Variants in NT5DC3 observed in about 807,000 individuals in gnomAD.
The protein encoded by NT5DC3 is 5'-nucleotidase domain containing 3.
Under a neutral mutation model 67.8 loss-of-function variants are expected in NT5DC3, and 42 were observed. The ratio of observed to expected loss-of-function variants is 0.62; its 90% CI spans 0.48 to 0.80. The LOEUF (loss-of-function observed/expected upper bound fraction) is 0.80. Ranked by LOEUF, NT5DC3 falls within the 30% of genes least tolerant of loss-of-function variation. The pLI is 0.00. For synonymous variants in NT5DC3, 237 were observed against 255.6 expected (o/e 0.93, Z 0.69); for missense variants, 570 against 696.4 (o/e 0.82, Z 2.04).
downstream of NT5DC3, among the ~76,000 whole-genome samples, chr12:103,768,524 GGA>G (rs1425537092): frequency 1.4e-4 from 5 of 35,284 alleles, no homozygotes; most frequent in African/African-American, 6.1e-4. Flanking sequence ...TGGAGAGATG[GGA>G]GAGAGAGGGA....
At chr12:103,749,872 A>AAAAAAG in the NT5DC3 span, among the ~76,000 whole-genome samples, 9 of 131,572 alleles carry the variant, frequency 6.8e-5, no homozygotes, top group Non-Finnish European at 9.5e-5. Flanking sequence ...AAAAAAAAAA[A>AAAAAAG]GCTGGTAAGA....
chr12:103,791,507 A>G (rs1255328577), intron 9 of NT5DC3, among the ~76,000 whole-genome samples: 1 of 152,036 alleles, frequency 6.6e-6, no homozygotes, highest in Non-Finnish European at 1.5e-5. Flanking sequence ...TCCCCAAGAC[A>G]CTGGAAGAAA....
intron 1 of NT5DC3, among the ~76,000 whole-genome samples, chr12:103,825,451 G>C (rs1887653656): frequency 6.6e-6 from 1 of 152,120 alleles, no homozygotes; most frequent in Non-Finnish European, 1.5e-5. Context: ...CAACGGAACT[G>C]ATCAAAAAGA....
chr12:103,763,648 G>A, the NT5DC3 span: 1 of 1,540,208 alleles, frequency 6.5e-7, no homozygotes. Flanking sequence ...TTCCCTTGGG[G>A]TACAGGGGAA....
intron 12 of NT5DC3, among the ~76,000 whole-genome samples, chr12:103,781,401 C>T (rs1885544766): frequency 6.6e-6 from 1 of 152,216 alleles, no homozygotes; most frequent in Admixed American, 6.5e-5. Flanking sequence ...AGGCCAGGGA[C>T]GCATGCCCAG....
At chr12:103,822,623 C>T (rs967997244) in intron 1 of NT5DC3, among the ~76,000 whole-genome samples, 1 of 152,174 alleles carries the variant, frequency 6.6e-6, no homozygotes, top group Non-Finnish European at 1.5e-5. Flanking sequence ...AGTGGTAGTG[C>T]TATCCGTGTG....
intron 2 of NT5DC3, among the ~76,000 whole-genome samples, chr12:103,812,046 T>C (rs1425746343): frequency 6.6e-6 from 1 of 152,056 alleles, no homozygotes; most frequent in African/African-American, 2.4e-5. Context: ...TCCCTTTCTA[T>C]TCCTCGGTGG....
Position 103,785,443 on chromosome 12 carries a change from A to C in NT5DC3, c.1221T>G (p.Gly407=), listed in dbSNP as rs2139313944. ...CAGATCTCAACTCTGGGATGATTGC[A>C]CCAGTCCTCCAGCCATGCTTTAGGG... ...DLTLKHGWRT[G]AIIPELRSEL... The change falls in exon 12 of 14, where the codon GGT becomes GGG. Residue 407 remains glycine (G), a synonymous_variant. Coordinates refer to ENST00000392876, the MANE Select transcript of NT5DC3 (RefSeq NM_001031701.3). 1 of 1,614,080 alleles carries C rather than the reference A, an allele frequency of 6.2e-7. No individual in the cohort carries two copies. Among genetic ancestry groups the C allele is most frequent in the East Asian group, 2.2e-5 (1 of 44,886 alleles).
At chr12:103,757,116 T>C in the NT5DC3 span, among the ~76,000 whole-genome samples, 1 of 151,144 alleles carries the variant, frequency 6.6e-6, no homozygotes, top group African/African-American at 2.4e-5. Context: ...CTTAAGAGAG[T>C]CTTGTTGTGT....
At chr12:103,818,532 C>T (rs1030913772) in intron 1 of NT5DC3, among the ~76,000 whole-genome samples, 18 of 152,098 alleles carry the variant, frequency 1.2e-4, no homozygotes, top group East Asian at 5.8e-4. Flanking sequence ...TGCACCACCA[C>T]GCCTGGCTAA....
chr12:103,821,354 A>G (rs1410525867), intron 1 of NT5DC3, among the ~76,000 whole-genome samples: 7 of 152,208 alleles, frequency 4.6e-5, no homozygotes, highest in East Asian at 3.8e-4. Context: ...CTCCTCCCCA[A>G]CATTCAAACT....
At chr12:103,746,852 A>G in the NT5DC3 span, 14 of 727,900 alleles carry the variant, frequency 1.9e-5, no homozygotes, top group East Asian at 3.7e-4. Flanking sequence ...AGTTTCTTTA[A>G]TGGGTGTGCT....
At chr12:103,763,276 G>C in the NT5DC3 span, 1 of 570,634 alleles carries the variant, frequency 1.8e-6, no homozygotes, top group Non-Finnish European at 3.1e-6. Flanking sequence ...GTGCCGATTT[G>C]GTGGTGATCA....
At chr12:103,755,052 CAGAGA>C in the NT5DC3 span, 1 of 473,120 alleles carries the variant, frequency 2.1e-6, no homozygotes, top group Non-Finnish European at 3.8e-6. Flanking sequence ...TTCTCAAGAG[CAGAGA>C]GAAGAGAAAT....
In NT5DC3 at chr12:103,776,846, GT is replaced by G. The variant is rs1420012708; in HGVS notation, c.*982del. The G allele has an allele frequency of 3.3e-5, 5 of 152,178 alleles. No individual in the cohort carries two copies. Among genetic ancestry groups the G allele is most frequent in the Admixed American group, 2.6e-4 (4 of 15,276 alleles). The allele number at this position is 152,178 out of a possible 1,614,324, so 9.4% of individuals were successfully genotyped here. A position where few individuals can be genotyped will look rare whatever the true frequency, so the allele number is the denominator to read the frequency against. On this transcript the variant is annotated 3_prime_UTR_variant, in exon 14 of 14. Coordinates refer to ENST00000392876, the MANE Select transcript of NT5DC3 (RefSeq NM_001031701.3). ...CTCATTAGAGAGAAGCCAGGATCTT[GT>G]TTGTTTCCATCTAGACAAAGGACTG...
intron 4 of NT5DC3, among the ~76,000 whole-genome samples, chr12:103,804,059 T>G (rs1396681361): frequency 6.6e-6 from 1 of 152,110 alleles, no homozygotes; most frequent in Non-Finnish European, 1.5e-5. Context: ...CTACTTCATA[T>G]AGTTATTTTG....
At chr12:103,796,613 A>C (rs569797760) in intron 6 of NT5DC3, among the ~76,000 whole-genome samples, 1 of 152,348 alleles carries the variant, frequency 6.6e-6, no homozygotes, top group South Asian at 2.1e-4. Flanking sequence ...CCCTTTGGCC[A>C]AGTGCACCGG....
chr12:103,791,624 C>T (rs1174811716), intron 9 of NT5DC3, among the ~76,000 whole-genome samples: 2 of 152,184 alleles, frequency 1.3e-5, no homozygotes. Flanking sequence ...CTCCTGTCTG[C>T]CAGAGCAGGG....
At chr12:103,800,738 T>C (rs966442856) in intron 4 of NT5DC3, among the ~76,000 whole-genome samples, 1 of 152,220 alleles carries the variant, frequency 6.6e-6, no homozygotes, top group Non-Finnish European at 1.5e-5. Context: ...AAGCTCCTTT[T>C]CCCCAGCTCT....
Sources: allele counts gnomAD v4.1 joint callset (sites outside exome capture counted in the v4.1 genomes callset), GRCh38; gene constraint gnomAD v4.1.1; transcripts MANE v1.5; gene names NCBI Gene and HGNC (gene_info 2026-07-23, HGNC 2026-07-21).